The following ACCSL variants were observed in gnomAD, a reference collection of about 807,000 sequenced individuals.
ACCSL encodes probable inactive 1-aminocyclopropane-1-carboxylate synthase-like protein 2.
Under a neutral mutation model 61.7 loss-of-function variants are expected in ACCSL, and 55 were observed. The ratio of observed to expected loss-of-function variants is 0.89; its 90% CI spans 0.72 to 1.12. The LOEUF is 1.12. Ranked by LOEUF, ACCSL falls within the 50% of genes most tolerant of loss-of-function variation. The pLI is 0.00. For synonymous variants in ACCSL, 258 were observed against 264.3 expected, an observed-to-expected ratio of 0.98 and a Z score of 0.23; for missense variants, 632 against 698.0, an observed-to-expected ratio of 0.91 and a Z score of 1.07.
chr11:43,967,126 T>C, the ACCSL span, among the ~76,000 whole-genome samples: 1 of 151,574 alleles, frequency 6.6e-6, no homozygotes, highest in Non-Finnish European at 1.5e-5. Flanking sequence ...TTGTTTGTTC[T>C]TGTACTACTT....
the ACCSL span, among the ~76,000 whole-genome samples, chr11:44,014,876 G>A: frequency 3.3e-5 from 5 of 152,324 alleles, no homozygotes; most frequent in African/African-American, 1.2e-4. Flanking sequence ...CTCCGAGCCT[G>A]GGCTCCTGCT....
the ACCSL span, among the ~76,000 whole-genome samples, chr11:43,926,046 G>A: frequency 4.6e-5 from 7 of 152,218 alleles, no homozygotes; most frequent in Non-Finnish European, 7.3e-5. Flanking sequence ...TGGTGCCCTC[G>A]TGTCTGTTGC....
chr11:44,055,345 C>A, intron 9 of ACCSL, 54 bp downstream of exon 9: 1 of 1,451,168 alleles, frequency 6.9e-7, no homozygotes, highest in Non-Finnish European at 9.6e-7. Flanking sequence ...TCTTGTTTTG[C>A]AGGGTGAGTT....
At chr11:44,023,942 A>G in the ACCSL span, among the ~76,000 whole-genome samples, 11 of 152,058 alleles carry the variant, frequency 7.2e-5, no homozygotes, top group African/African-American at 2.2e-4. Flanking sequence ...ATTTCCACAT[A>G]TGTGTGGATT....
intron 2 of ACCSL, 116 bp from the exon 3 acceptor site, chr11:44,050,436 T>C: frequency 1.2e-6 from 1 of 867,316 alleles, no homozygotes; most frequent in Non-Finnish European, 1.9e-6. Flanking sequence ...ATATACCCAT[T>C]CCCTTTCTAG....
Position 44,050,073 on chromosome 11 carries a change from C to T in ACCSL, c.516C>T (p.Asn172=), listed in dbSNP as rs956924684. The change falls in exon 2 of 14, where the codon AAC becomes AAT. Residue 172 remains asparagine (N), a synonymous_variant. Transcript: ENST00000378832. The stretch of plus-strand genomic sequence containing the variant: ...CCTTCCATCTCCAGGGTTTCATTAA[C>T]CTTGGCACCAGTGAGAACAAGCTCT... ...HKDKNTLGFI[N]LGTSENKLCM... is the part of the protein sequence containing the mutation. 1.2e-6 allele frequency: 2 copies of T among 1,614,036 alleles called. No individual in the cohort carries two copies. Among genetic ancestry groups the T allele is most frequent in the African/African-American group, 1.3e-5 (1 of 74,900 alleles).
chr11:43,996,844 G>A, the ACCSL span, among the ~76,000 whole-genome samples: 28 of 140,172 alleles, frequency 2.0e-4, no homozygotes, highest in East Asian at 1.6e-3. Context: ...GCAAAGTCTC[G>A]CTCTGTCACC....
At chr11:43,942,612 GCC>G in the ACCSL span, 1 of 309,788 alleles carries the variant, frequency 3.2e-6, no homozygotes, top group East Asian at 1.6e-4. Flanking sequence ...GGCTATATAA[GCC>G]GCGAGCCTGG....
the ACCSL span, among the ~76,000 whole-genome samples, chr11:43,973,410 A>ATATC: frequency 3.2e-3 from 472 of 149,052 alleles, 1 homozygote; most frequent in Admixed American, 4.0e-3. Context: ...TGGTTTTGAG[A>ATATC]TATCTATCTA....
Position 44,059,911 on chromosome 11 carries a change from G to A in ACCSL, c.1698G>A (p.Met566Ile), listed in dbSNP as rs1283981113. Residue 566 changes from methionine to isoleucine, a missense_variant, in exon 14 of 14, where the codon ATG (methionine) becomes ATA (isoleucine). Physicochemically the swap from Met to Ile is conservative, Grantham distance 10. Coordinates refer to ENST00000378832, the MANE Select transcript of ACCSL (RefSeq NM_001031854.2). ...TAGTGAAGCAGTTGGAGGATGCAAT[G>A]AGGGAGTAGGCCGTCTGCCTCCCAA... is the stretch of plus-strand genomic sequence containing the variant. ...ALIVKQLEDA[M>I]RE The A allele has an allele frequency of 1.9e-6, 3 of 1,613,782 alleles. No homozygotes were observed. The highest frequency in any genetic ancestry group is 1.7e-5 in the Admixed American group (1 of 60,006).
chr11:44,052,521 C>T, intron 5 of ACCSL, 141 bp from the exon 6 acceptor site: 1 of 719,714 alleles, frequency 1.4e-6, no homozygotes, highest in Admixed American at 2.2e-5. Context: ...AGCACCTGAA[C>T]CTAAGAACAT....
upstream of ACCSL, among the ~76,000 whole-genome samples, chr11:44,043,828 TG>T (rs1418018507): frequency 1.3e-5 from 2 of 152,202 alleles, no homozygotes; most frequent in African/African-American, 4.8e-5. Flanking sequence ...TTGTAACCTC[TG>T]GGGATCTCCT....
chr11:43,967,928 T>A, the ACCSL span, among the ~76,000 whole-genome samples: 1 of 152,200 alleles, frequency 6.6e-6, no homozygotes, highest in Non-Finnish European at 1.5e-5. Flanking sequence ...AAAAGGCTTC[T>A]CCATCTCTAC....
the ACCSL span, among the ~76,000 whole-genome samples, chr11:44,030,485 G>C: frequency 6.6e-6 from 1 of 151,796 alleles, no homozygotes; most frequent in African/African-American, 2.4e-5. Flanking sequence ...CAAGGAGAAA[G>C]CAGCATGAGT....
At chr11:44,020,410 T>A in the ACCSL span, among the ~76,000 whole-genome samples, 1 of 152,174 alleles carries the variant, frequency 6.6e-6, no homozygotes, top group Non-Finnish European at 1.5e-5. Flanking sequence ...GTTCTTGATA[T>A]TACAAGGAGA....
At chr11:44,041,225 G>A in the ACCSL span, among the ~76,000 whole-genome samples, 10 of 152,276 alleles carry the variant, frequency 6.6e-5, no homozygotes, top group East Asian at 7.7e-4. Flanking sequence ...TCAATGGACT[G>A]TAATGAATTA....
At chr11:43,957,900 T>C in the ACCSL span, among the ~76,000 whole-genome samples, 1 of 152,178 alleles carries the variant, frequency 6.6e-6, no homozygotes, top group Admixed American at 6.5e-5. Context: ...GGAATCCCCT[T>C]GGTCAAGCGG....
At chr11:43,934,376 C>T in the ACCSL span, among the ~76,000 whole-genome samples, 5 of 152,110 alleles carry the variant, frequency 3.3e-5, no homozygotes, top group Admixed American at 2.0e-4. Context: ...CAGGACCACC[C>T]GAAAAAGACT....
At chr11:43,921,537 A>G in the ACCSL span, among the ~76,000 whole-genome samples, 2 of 152,222 alleles carry the variant, frequency 1.3e-5, no homozygotes, top group African/African-American at 2.4e-5. Context: ...AATGCAAATA[A>G]TACCTGGCCA....
Sources: gnomAD v4.1 joint callset for allele counts (sites outside exome capture counted in the v4.1 genomes callset) on GRCh38, gnomAD v4.1.1 for gene constraint, MANE v1.5 for transcripts, NCBI Gene and HGNC (gene_info 2026-07-23, HGNC 2026-07-21) for gene names.